PUM2: variants seen among roughly 807,000 people sequenced by gnomAD.
PUM2 encodes the protein pumilio homolog 2.
In PUM2, 57 loss-of-function variants were observed where a neutral mutation model predicts 124.5. The observed-to-expected ratio is 0.46, with a 90% CI of 0.37 to 0.57. The LOEUF (loss-of-function observed/expected upper bound fraction) is 0.57, where lower values mean the gene tolerates loss of function less well. Among genes scored for constraint, PUM2 ranks in the 20% least tolerant of loss-of-function variants. PUM2 has a pLI of 0.00. For synonymous variants in PUM2, 460 were observed against 446.1 expected (o/e 1.03, Z -0.39); for missense variants, 1,065 against 1,290.6 (o/e 0.83, Z 2.68).
chr2:20,302,921 A>C (rs528197625), intron 7 of PUM2, among the ~76,000 whole-genome samples: 6 of 152,218 alleles, frequency 3.9e-5, no homozygotes, highest in Non-Finnish European at 8.8e-5. Flanking sequence ...ATCACAGCCC[A>C]AATTTCCACC....
chr2:20,257,829 T>A (rs1268942187), intron 16 of PUM2, among the ~76,000 whole-genome samples: 1 of 152,218 alleles, frequency 6.6e-6, no homozygotes, highest in Non-Finnish European at 1.5e-5. Flanking sequence ...TGCTGGGCTA[T>A]ATTTTTAAAA....
At chr2:20,322,201 G>A (rs1199822715) in intron 2 of PUM2, among the ~76,000 whole-genome samples, 2 of 152,116 alleles carry the variant, frequency 1.3e-5, no homozygotes, top group Admixed American at 6.5e-5. Flanking sequence ...ATCATGCCAT[G>A]AGAAGATATA....
intron 1 of PUM2, among the ~76,000 whole-genome samples, chr2:20,335,356 C>T (rs954557097): frequency 4.6e-5 from 7 of 152,172 alleles, no homozygotes; most frequent in African/African-American, 1.7e-4. Flanking sequence ...TGCCAACAAA[C>T]TTTTTTTGTT....
intron 8 of PUM2, 59 bp from the exon 9 acceptor site, chr2:20,294,577 T>C: frequency 1.3e-6 from 2 of 1,500,584 alleles, no homozygotes. Flanking sequence ...AGACATGAGG[T>C]TAGCTACCTA....
intron 1 of PUM2, chr2:20,333,117 CAAT>C (rs1685258026): frequency 6.6e-6 from 1 of 152,046 alleles, no homozygotes; most frequent in Admixed American, 6.6e-5. Flanking sequence ...TAAATTTTAA[CAAT>C]ATTAGCTAAT....
intron 7 of PUM2, among the ~76,000 whole-genome samples, chr2:20,302,190 C>G (rs1172631667): frequency 6.6e-6 from 1 of 152,124 alleles, no homozygotes; most frequent in African/African-American, 2.4e-5. Context: ...AGAATAAAGG[C>G]AGGTGCCAAC....
chr2:20,326,648 G>T (rs778500331), intron 2 of PUM2, among the ~76,000 whole-genome samples: 1 of 151,974 alleles, frequency 6.6e-6, no homozygotes, highest in African/African-American at 2.4e-5. Flanking sequence ...TAATGATGAG[G>T]TTAACTTTGG....
chr2:20,338,760 G>A (rs948466196), intron 1 of PUM2, among the ~76,000 whole-genome samples: 26 of 152,066 alleles, frequency 1.7e-4, no homozygotes, highest in African/African-American at 6.0e-4. Context: ...AATATTCCAG[G>A]TTATTACATG....
In PUM2 at chr2:20,278,747, G is replaced by GA; in HGVS notation, c.1792dup (p.Ser598PhefsTer2). 1 of 1,613,540 alleles carries GA rather than the reference G, an allele frequency of 6.2e-7. No homozygotes were observed. Among genetic ancestry groups the GA allele is most frequent in the Non-Finnish European group, 8.5e-7 (1 of 1,179,690 alleles). On this transcript the variant is annotated frameshift_variant, in exon 13 of 21. Transcript: ENST00000361078. LOFTEE classifies it high-confidence loss of function. The stretch of plus-strand genomic sequence containing the variant: ...CCCTATGGGTGCTAGGCTGCTACTA[G>GA]ATCTTTTGTACAAGTCAGAGCTAGT...
Position 20,308,515 on chromosome 2 carries a change from G to T in PUM2, c.588C>A (p.Pro196=). ...VVERLGPNTN[P]SEGLGPLPNP... is the part of the protein sequence containing the mutation. ...TAGGAAGAGGCCCCAGTCCTTCTGA[G>T]GGATTAGTATTGGGGCCCAAGCGCT... The change falls in exon 6 of 21, where the codon CCC becomes CCA. Residue 196 remains proline (P), a synonymous_variant. Coordinates refer to ENST00000361078, the MANE Select transcript of PUM2 (RefSeq NM_015317.5). 1 of 1,614,094 alleles carries T rather than the reference G, an allele frequency of 6.2e-7. No homozygotes were observed. The highest frequency in any genetic ancestry group is 8.5e-7 in the Non-Finnish European group (1 of 1,179,928).
At chr2:20,293,889 C>CA (rs142359650) in intron 9 of PUM2, among the ~76,000 whole-genome samples, 12,031 of 151,958 alleles carry the variant, frequency 0.079, 507 homozygotes, top group Non-Finnish European at 0.088. Context: ...GAAAAAGGCT[C>CA]AAAATTTTAA....
intron 1 of PUM2, among the ~76,000 whole-genome samples, chr2:20,347,488 C>G (rs1444752659): frequency 1.3e-5 from 2 of 152,194 alleles, no homozygotes; most frequent in Non-Finnish European, 1.5e-5. Context: ...GTTTCACTCA[C>G]TGGAAAAGCT....
chr2:20,291,647 A>G (rs1674120502), intron 9 of PUM2, among the ~76,000 whole-genome samples: 1 of 150,702 alleles, frequency 6.6e-6, no homozygotes, highest in South Asian at 2.1e-4. Context: ...TCTTTACTTC[A>G]GAGGAACTGG....
intron 5 of PUM2, among the ~76,000 whole-genome samples, chr2:20,310,499 T>C (rs1404944660): frequency 6.6e-6 from 1 of 152,068 alleles, no homozygotes; most frequent in Non-Finnish European, 1.5e-5. Flanking sequence ...TTTCCTTTAC[T>C]AAAACTTAGA....
upstream of PUM2, chr2:20,350,953 C>T (rs1372746494): frequency 2.7e-5 from 6 of 224,314 alleles, no homozygotes; most frequent in Admixed American, 2.6e-4. Context: ...CCCGCGCTGC[C>T]GCCGCGCGGG....
intron 1 of PUM2, 113 bp from the exon 2 acceptor site, chr2:20,327,491 G>A: frequency 3.0e-6 from 2 of 656,350 alleles, no homozygotes; most frequent in East Asian, 2.9e-5. Flanking sequence ...CTGAGAAAGG[G>A]AAGCACTGAT....
At chr2:20,259,849 C>T (rs1665739870) in intron 15 of PUM2, among the ~76,000 whole-genome samples, 2 of 152,136 alleles carry the variant, frequency 1.3e-5, no homozygotes, top group Non-Finnish European at 2.9e-5. Context: ...GAGAAACTGC[C>T]AAACTGTTTT....
chr2:20,326,684 C>T (rs985034106), intron 2 of PUM2, among the ~76,000 whole-genome samples: 1 of 152,076 alleles, frequency 6.6e-6, no homozygotes, highest in Non-Finnish European at 1.5e-5. Context: ...CATAGATTAA[C>T]GAGAATGATA....
At chr2:20,344,686 A>G (rs527482358) in intron 1 of PUM2, among the ~76,000 whole-genome samples, 1 of 152,128 alleles carries the variant, frequency 6.6e-6, no homozygotes, top group South Asian at 2.1e-4. Flanking sequence ...CTTCTATAAC[A>G]TTTTAAGATT....
Sources: gnomAD v4.1 joint callset for allele counts (sites outside exome capture counted in the v4.1 genomes callset) on GRCh38, gnomAD v4.1.1 for gene constraint, MANE v1.5 for transcripts, NCBI Gene and HGNC (gene_info 2026-07-23, HGNC 2026-07-21) for gene names.